KAZN: variants seen among roughly 807,000 people sequenced by gnomAD.
The protein encoded by KAZN is kazrin, periplakin interacting protein.
A neutral mutation model predicts 87.4 loss-of-function variants in KAZN; 40 were observed. The observed-to-expected ratio is 0.46, with a 90% CI of 0.36 to 0.60. The LOEUF is 0.60. Ranked by LOEUF, KAZN falls within the 20% of genes least tolerant of loss-of-function variation. The pLI, the probability that KAZN is intolerant of heterozygous loss-of-function variation, is 0.00. For missense variants in KAZN, 898 were observed against 1,073.9 expected, an observed-to-expected ratio of 0.84 and a Z score of 2.29; for synonymous variants, 466 against 458.3, an observed-to-expected ratio of 1.02 and a Z score of -0.22.
intron 1 of KAZN, among the ~76,000 whole-genome samples, chr1:14,915,830 G>A (rs1037933886): frequency 5.9e-5 from 9 of 152,216 alleles, no homozygotes; most frequent in East Asian, 3.9e-4. Flanking sequence ...TGAATGAGCC[G>A]GAAAGCACAG....
chr1:14,961,005 GC>G (rs1663793394), intron 2 of KAZN, 130 bp downstream of exon 2: 1 of 926,458 alleles, frequency 1.1e-6, no homozygotes. Flanking sequence ...AGCTGTGGCT[GC>G]CCTGTCCCTT....
intron 3 of KAZN, among the ~76,000 whole-genome samples, chr1:15,041,331 C>CTTT (rs71000360): frequency 1.8e-4 from 21 of 114,120 alleles, no homozygotes; most frequent in South Asian, 2.9e-4. Flanking sequence ...CATTTTTTTT[C>CTTT]TTTTTTTTTT....
intron 2 of KAZN, among the ~76,000 whole-genome samples, chr1:14,527,026 G>A (rs958104768): frequency 1.3e-5 from 2 of 152,090 alleles, no homozygotes; most frequent in African/African-American, 4.8e-5. Context: ...AAATGCTTGT[G>A]GACCAGTACC....
At chr1:14,836,219 C>T (rs1572611178) in intron 1 of KAZN, among the ~76,000 whole-genome samples, 1 of 152,138 alleles carries the variant, frequency 6.6e-6, no homozygotes, top group African/African-American at 2.4e-5. Flanking sequence ...CTGGGCAGGA[C>T]AGAGAGAGGG....
chr1:14,281,565 C>A (rs1245288523), intron 2 of KAZN, among the ~76,000 whole-genome samples: 2 of 152,190 alleles, frequency 1.3e-5, no homozygotes, highest in Non-Finnish European at 2.9e-5. Context: ...GCCCATGAAG[C>A]AACTTGCCTA....
chr1:14,348,180 A>G (rs1251960648), intron 2 of KAZN, among the ~76,000 whole-genome samples: 2 of 150,398 alleles, frequency 1.3e-5, no homozygotes, highest in Non-Finnish European at 2.9e-5. Flanking sequence ...CCTCCCACGT[A>G]GCTGGGATTA....
At chr1:14,573,049 T>C (rs914661960) in intron 2 of KAZN, among the ~76,000 whole-genome samples, 1 of 152,160 alleles carries the variant, frequency 6.6e-6, no homozygotes, top group Non-Finnish European at 1.5e-5. Flanking sequence ...CTCATGCTCC[T>C]CAGCTCTGAG....
At chr1:13,997,634 C>T (rs1639585777) in intron 1 of KAZN, among the ~76,000 whole-genome samples, 1 of 151,370 alleles carries the variant, frequency 6.6e-6, no homozygotes, top group Admixed American at 6.6e-5. Flanking sequence ...TTGATGACCA[C>T]ATTATTGAAA....
chr1:14,619,371 A>T (rs1678511866), intron 1 of KAZN, among the ~76,000 whole-genome samples: 2 of 151,460 alleles, frequency 1.3e-5, no homozygotes, highest in South Asian at 2.1e-4. Flanking sequence ...CTAATTTTTT[A>T]AATTTTTTTG....
intron 1 of KAZN, among the ~76,000 whole-genome samples, chr1:13,910,179 C>T (rs12725105): frequency 0.11 from 16,822 of 151,924 alleles, 1,255 homozygotes; most frequent in South Asian, 0.17. Flanking sequence ...GCTGCTGCGG[C>T]GATAGTGAGT....
intron 1 of KAZN, among the ~76,000 whole-genome samples, chr1:14,143,897 G>A (rs548300432): frequency 8.6e-5 from 13 of 151,946 alleles, no homozygotes; most frequent in Non-Finnish European, 1.6e-4. Flanking sequence ...TTTAAGTTTT[G>A]TGCAGAGGCA....
chr1:14,161,047 G>A (rs1055119879), intron 1 of KAZN, among the ~76,000 whole-genome samples: 3 of 152,192 alleles, frequency 2.0e-5, no homozygotes, highest in East Asian at 3.8e-4. Flanking sequence ...TACTCTGGAA[G>A]AAGACCAAGA....
Position 15,094,730 on chromosome 1 carries a change from G to A in KAZN, c.1429-85G>A. On this transcript the variant is annotated intron_variant, in intron 9 of 14. Transcript: ENST00000376030. This position sits in a 1 kb window ranked among gnomAD's most constrained non-coding sequence, Gnocchi z 4.5. ...AAGGTGGGCAGGAGATGGGGAAGGA[G>A]CCCCATGTCAACAGACCCCCTCTAG... 1.1e-6 allele frequency: 1 copy of A among 935,170 alleles called. No homozygotes were observed. The highest frequency in any genetic ancestry group is 1.5e-5 in the South Asian group (1 of 65,366). 57.9% of individuals were successfully genotyped at this position (935,170 alleles called of 1,614,324 possible).
At chr1:14,678,326 C>T (rs1640360705) in intron 1 of KAZN, among the ~76,000 whole-genome samples, 1 of 152,134 alleles carries the variant, frequency 6.6e-6, no homozygotes, top group Admixed American at 6.5e-5. Flanking sequence ...TTCCTACCCT[C>T]GAACATCAGA....
intron 1 of KAZN, among the ~76,000 whole-genome samples, chr1:13,990,223 AG>A (rs1320995829): frequency 1.3e-5 from 2 of 152,220 alleles, no homozygotes; most frequent in Non-Finnish European, 2.9e-5. Flanking sequence ...GACTTGTACA[AG>A]AATGTTCATA....
chr1:14,971,808 G>A (rs975420580), intron 2 of KAZN, among the ~76,000 whole-genome samples: 2 of 150,808 alleles, frequency 1.3e-5, no homozygotes, highest in Admixed American at 1.3e-4. Context: ...GAGTTTTAAT[G>A]CATTCTCCGT....
intron 1 of KAZN, among the ~76,000 whole-genome samples, chr1:14,723,503 G>A (rs1027323724): frequency 2.0e-5 from 3 of 152,242 alleles, no homozygotes; most frequent in Admixed American, 6.5e-5. Context: ...CGAGGGAGCA[G>A]TACAAAGATG....
At chr1:14,219,019 A>C (rs998612365) in intron 2 of KAZN, among the ~76,000 whole-genome samples, 5 of 152,150 alleles carry the variant, frequency 3.3e-5, no homozygotes, top group Non-Finnish European at 5.9e-5. Flanking sequence ...CCCAATGATC[A>C]ATCCAGTAGA....
chr1:14,864,222 A>G (rs1012537457), intron 1 of KAZN, among the ~76,000 whole-genome samples: 1 of 152,226 alleles, frequency 6.6e-6, no homozygotes, highest in Non-Finnish European at 1.5e-5. Context: ...GTTACTACTG[A>G]AAAGTGAGAA....
Sources: gnomAD v4.1 joint callset for allele counts (sites outside exome capture counted in the v4.1 genomes callset) on GRCh38, gnomAD v4.1.1 for gene constraint, Gnocchi (gnomAD v3.1) non-coding constraint, MANE v1.5 for transcripts, NCBI Gene and HGNC (gene_info 2026-07-23, HGNC 2026-07-21) for gene names.